The following AUTS2 variants were observed in gnomAD, a reference collection of about 807,000 sequenced individuals.
The protein encoded by AUTS2 is activator of transcription and developmental regulator AUTS2, also known as autism susceptibility gene 2 protein.
Under a neutral mutation model 112.4 loss-of-function variants are expected in AUTS2, and 17 were observed. That is an observed-to-expected ratio of 0.15 (90% confidence interval 0.10 to 0.23). The LOEUF (loss-of-function observed/expected upper bound fraction) is 0.23, where lower values mean the gene tolerates loss of function less well. Among genes scored for constraint, AUTS2 ranks in the 10% least tolerant of loss-of-function variants. The pLI is 1.00. For missense variants in AUTS2, 1,510 were observed against 1,701.6 expected (o/e 0.89, Z 1.98); for synonymous variants, 751 against 702.7 (o/e 1.07, Z -1.09).
chr7:69,936,697 G>A (rs780905187), intron 2 of AUTS2, among the ~76,000 whole-genome samples: 1 of 152,032 alleles, frequency 6.6e-6, no homozygotes, highest in Non-Finnish European at 1.5e-5. Context: ...GTTCTCCTAG[G>A]GGATTTCTGG....
chr7:70,234,860 G>A (rs1477753505), intron 4 of AUTS2, among the ~76,000 whole-genome samples: 1 of 152,088 alleles, frequency 6.6e-6, no homozygotes, highest in East Asian at 1.9e-4. Context: ...AAAAACAGAG[G>A]CAGAGGCTGG....
At chr7:70,525,773 G>T (rs1031019654) in intron 5 of AUTS2, among the ~76,000 whole-genome samples, 1 of 152,194 alleles carries the variant, frequency 6.6e-6, no homozygotes, top group Non-Finnish European at 1.5e-5. Context: ...ATGAACACTC[G>T]CATGGAAGCC....
intron 5 of AUTS2, among the ~76,000 whole-genome samples, chr7:70,498,295 T>C (rs1447798921): frequency 6.6e-6 from 1 of 152,202 alleles, no homozygotes; most frequent in African/African-American, 2.4e-5. Context: ...CTGAGGTTGG[T>C]ACATGGCTTT....
intron 2 of AUTS2, among the ~76,000 whole-genome samples, chr7:70,016,276 G>A (rs993434772): frequency 2.0e-5 from 3 of 152,076 alleles, no homozygotes; most frequent in Non-Finnish European, 2.9e-5. Context: ...TTGACAGACC[G>A]CAATATTCCA....
At chr7:70,571,785 C>G (rs1338004231) in intron 5 of AUTS2, among the ~76,000 whole-genome samples, 1 of 152,188 alleles carries the variant, frequency 6.6e-6, no homozygotes, top group Non-Finnish European at 1.5e-5. Context: ...CCACAGGCCT[C>G]TGTTCCAGAT....
chr7:70,171,927 C>G (rs574825195), intron 4 of AUTS2, among the ~76,000 whole-genome samples: 87 of 151,606 alleles, frequency 5.7e-4, no homozygotes, highest in African/African-American at 1.9e-3. Context: ...GTTTTTCCCT[C>G]CTTCTTTTCT....
At chr7:69,735,763 G>C (rs1304344500) in intron 1 of AUTS2, among the ~76,000 whole-genome samples, 1 of 152,220 alleles carries the variant, frequency 6.6e-6, no homozygotes, top group Admixed American at 6.5e-5. Context: ...AGCTCCGTAA[G>C]GGCTGGCCCT....
chr7:69,991,875 CA>C (rs142279100), intron 2 of AUTS2, among the ~76,000 whole-genome samples: 6 of 152,218 alleles, frequency 3.9e-5, no homozygotes, highest in African/African-American at 1.2e-4. Flanking sequence ...TATTCTAAGA[CA>C]TTTTTTTTGT....
chr7:70,356,734 C>G (rs957256000), intron 4 of AUTS2, among the ~76,000 whole-genome samples: 1 of 151,840 alleles, frequency 6.6e-6, no homozygotes, highest in South Asian at 2.1e-4. Context: ...TTTAAAGGAC[C>G]CTAGTGAGTT....
chr7:69,660,290 T>TA (rs1795733814), intron 1 of AUTS2, among the ~76,000 whole-genome samples: 1 of 152,252 alleles, frequency 6.6e-6, no homozygotes, highest in African/African-American at 2.4e-5. Flanking sequence ...GGGCTTTTTA[T>TA]AGCAGCTTTC....
intron 4 of AUTS2, among the ~76,000 whole-genome samples, chr7:70,170,186 G>T (rs1664106951): frequency 6.7e-6 from 1 of 148,664 alleles, no homozygotes; most frequent in East Asian, 2.0e-4. Flanking sequence ...TTGAGACAGG[G>T]TCTTACTTCT....
chr7:69,702,929 A>G (rs904490591), intron 1 of AUTS2, among the ~76,000 whole-genome samples: 1 of 152,092 alleles, frequency 6.6e-6, no homozygotes, highest in African/African-American at 2.4e-5. Context: ...CACAAAGCCA[A>G]CTCTCACATG....
At chr7:70,452,463 A>C (rs770288115) in intron 5 of AUTS2, among the ~76,000 whole-genome samples, 3 of 152,158 alleles carry the variant, frequency 2.0e-5, no homozygotes, top group Non-Finnish European at 2.9e-5. Flanking sequence ...TGTCTCAATA[A>C]TACTACTATT....
intron 1 of AUTS2, among the ~76,000 whole-genome samples, chr7:69,707,452 TA>T (rs1299899103): frequency 6.6e-6 from 1 of 152,192 alleles, no homozygotes; most frequent in Non-Finnish European, 1.5e-5. Flanking sequence ...TATGCAGGTG[TA>T]AGAAATATTC....
chr7:69,676,369 CTTT>C (rs1366281329), intron 1 of AUTS2, among the ~76,000 whole-genome samples: 2 of 152,184 alleles, frequency 1.3e-5, no homozygotes, highest in Admixed American at 6.5e-5. Flanking sequence ...AGATCACTTT[CTTT>C]AAAGTCTTTA....
intron 2 of AUTS2, among the ~76,000 whole-genome samples, chr7:69,959,379 T>C (rs1259805260): frequency 6.6e-6 from 1 of 152,190 alleles, no homozygotes; most frequent in Non-Finnish European, 1.5e-5. Context: ...TTTTCTCATT[T>C]TACAAATGAG....
chr7:70,290,212 T>G (rs1215577714), intron 4 of AUTS2, among the ~76,000 whole-genome samples: 1 of 152,206 alleles, frequency 6.6e-6, no homozygotes, highest in East Asian at 1.9e-4. Context: ...TTATAAATGA[T>G]CATAAGCTTA....
chr7:70,126,154 C>T (rs1805958658), intron 3 of AUTS2, among the ~76,000 whole-genome samples: 2 of 152,206 alleles, frequency 1.3e-5, no homozygotes. Context: ...CATGGTGGCT[C>T]ACGCCTGCAA....
chr7:69,746,059 G>C (rs1787485184), intron 1 of AUTS2, among the ~76,000 whole-genome samples: 1 of 151,228 alleles, frequency 6.6e-6, no homozygotes, highest in African/African-American at 2.4e-5. Context: ...TTTTAATTTA[G>C]AGACACGGTC....
Sources: allele counts gnomAD v4.1 joint callset (sites outside exome capture counted in the v4.1 genomes callset), GRCh38; gene constraint gnomAD v4.1.1; transcripts MANE v1.5; gene names NCBI Gene and HGNC (gene_info 2026-07-23, HGNC 2026-07-21).